PIK3C3: variants seen among roughly 807,000 people sequenced by gnomAD.
PIK3C3 encodes the protein phosphatidylinositol 3-kinase catalytic subunit type 3, also known as PI3-kinase type 3.
PIK3C3 carries 95 observed loss-of-function variants against 126.1 expected under a neutral mutation model. The ratio of observed to expected loss-of-function variants is 0.75; its 90% CI spans 0.64 to 0.89. The LOEUF (loss-of-function observed/expected upper bound fraction) is 0.89, where lower values mean the gene tolerates loss of function less well. Among genes scored for constraint, PIK3C3 ranks in the 40% least tolerant of loss-of-function variants. The pLI, the probability that PIK3C3 is intolerant of heterozygous loss-of-function variation, is 0.00. For synonymous variants in PIK3C3, 374 were observed against 360.0 expected, an observed-to-expected ratio of 1.04 and a Z score of -0.44; for missense variants, 829 against 1,063.2, an observed-to-expected ratio of 0.78 and a Z score of 3.06.
At chr18:41,998,237 G>A (rs1442419615) in intron 9 of PIK3C3, among the ~76,000 whole-genome samples, 1 of 152,066 alleles carries the variant, frequency 6.6e-6, no homozygotes, top group Non-Finnish European at 1.5e-5. Context: ...ATAGCTTTGA[G>A]TGTAATTCTC....
In PIK3C3 at chr18:42,087,229, C is replaced by T. The variant is rs1046092936; in HGVS notation, c.*6092C>T. Reference sequence around the variant, plus strand: ...TCCTCTATAGATGTCTGCACTGACACCGTGGCTTTAAGGCATGGCCCATGA... The same window carrying T: ...TCCTCTATAGATGTCTGCACTGACATCGTGGCTTTAAGGCATGGCCCATGA... On this transcript the variant is annotated 3_prime_UTR_variant, in exon 25 of 25. Coordinates refer to ENST00000262039, the MANE Select transcript of PIK3C3 (RefSeq NM_002647.4). 2.6e-5 allele frequency: 4 copies of T among 152,140 alleles called. No individual in the cohort carries two copies. The highest frequency in any genetic ancestry group is 2.6e-4 in the Admixed American group (4 of 15,268). 9.4% of individuals were successfully genotyped at this position (152,140 alleles called of 1,614,324 possible). A position where few individuals can be genotyped will look rare whatever the true frequency, so the allele number is the denominator to read the frequency against.
At chr18:42,076,123 C>T (rs984874881) in intron 24 of PIK3C3, among the ~76,000 whole-genome samples, 669 of 30,078 alleles carry the variant, frequency 0.022, 41 homozygotes, top group African/African-American at 0.091. Context: ...TATATATATG[C>T]GCATATATAT....
chr18:42,079,539 A>G (rs1986159888), intron 24 of PIK3C3, among the ~76,000 whole-genome samples: 1 of 151,914 alleles, frequency 6.6e-6, no homozygotes, highest in Non-Finnish European at 1.5e-5. Flanking sequence ...TGGCTCTGAT[A>G]GACTTGCGCA....
At chr18:41,969,045 T>C (rs1980517263) in intron 3 of PIK3C3, among the ~76,000 whole-genome samples, 2 of 151,904 alleles carry the variant, frequency 1.3e-5, no homozygotes, top group Admixed American at 6.6e-5. Flanking sequence ...TCTCAAACTC[T>C]TGAGCTCAAG....
intron 12 of PIK3C3, among the ~76,000 whole-genome samples, chr18:42,018,554 A>G (rs1044368588): frequency 6.6e-6 from 1 of 152,070 alleles, no homozygotes; most frequent in Non-Finnish European, 1.5e-5. Context: ...ATGTACACCT[A>G]AGCTTTAAAA....
intron 1 of PIK3C3, 33 bp downstream of exon 1, chr18:41,955,392 G>A (rs369141224): frequency 3.7e-5 from 59 of 1,585,754 alleles, no homozygotes; most frequent in Non-Finnish European, 4.8e-5. Context: ...GAGTGGGATT[G>A]CTGGGGCGTA....
intron 22 of PIK3C3, among the ~76,000 whole-genome samples, chr18:42,064,391 A>AT (rs767706135): frequency 2.6e-4 from 40 of 152,296 alleles, no homozygotes; most frequent in Non-Finnish European, 4.7e-4. Flanking sequence ...AAACAGATAG[A>AT]TTTTAATTGT....
chr18:41,979,085 A>AAG (rs979558646), intron 4 of PIK3C3, among the ~76,000 whole-genome samples: 1 of 151,196 alleles, frequency 6.6e-6, no homozygotes, highest in Non-Finnish European at 1.5e-5. Context: ...AAAAAAAAAA[A>AAG]AAGAGTTCAC....
chr18:41,962,772 T>TA, intron 3 of PIK3C3, 140 bp downstream of exon 3: 1 of 597,760 alleles, frequency 1.7e-6, no homozygotes, highest in Non-Finnish European at 2.7e-6. Context: ...GATCATTCCT[T>TA]ACACTGATTT....
chr18:42,059,276 G>C (rs1985210755), intron 22 of PIK3C3, among the ~76,000 whole-genome samples: 1 of 152,234 alleles, frequency 6.6e-6, no homozygotes, highest in South Asian at 2.1e-4. Context: ...TTATCCTTTG[G>C]GTGGCAGAAT....
At chr18:42,043,423 C>T (rs900219466) in intron 19 of PIK3C3, among the ~76,000 whole-genome samples, 2 of 152,102 alleles carry the variant, frequency 1.3e-5, no homozygotes, top group South Asian at 2.1e-4. Context: ...GTACGTTAAT[C>T]GTATTTTCAG....
chr18:42,057,381 TTG>T (rs1221910177), intron 21 of PIK3C3, among the ~76,000 whole-genome samples: 1 of 152,164 alleles, frequency 6.6e-6, no homozygotes, highest in Non-Finnish European at 1.5e-5. Context: ...TGTAACTAAA[TTG>T]CTATTTATGC....
At chr18:42,058,507 T>C (rs1006234130) in intron 22 of PIK3C3, among the ~76,000 whole-genome samples, 8 of 152,210 alleles carry the variant, frequency 5.3e-5, no homozygotes, top group South Asian at 4.1e-4. Context: ...TAGAGTGATA[T>C]TAGTTCAATC....
At chr18:42,070,538 T>C (rs575632732) in intron 24 of PIK3C3, 2 of 152,222 alleles carry the variant, frequency 1.3e-5, no homozygotes, top group Admixed American at 6.5e-5. Flanking sequence ...TGATAAAAAG[T>C]AGTAGTTTTT....
Position 42,083,543 on chromosome 18 carries a change from A to C in PIK3C3, c.*2406A>C, listed in dbSNP as rs978503231. The C allele has an allele frequency of 2.6e-5, 4 of 152,202 alleles. No homozygotes were observed. Among genetic ancestry groups the C allele is most frequent in the Non-Finnish European group, 1.5e-5 (1 of 68,038 alleles). The allele number at this position is 152,202 out of a possible 1,614,324, so 9.4% of individuals were successfully genotyped here. On this transcript the variant is annotated 3_prime_UTR_variant, in exon 25 of 25. Transcript: ENST00000262039. ...GCCTTGCTTTTTGCTGGAGTTAGCA[A>C]AAATCATTCTCCATATGATAGTTTT...
At chr18:42,069,829 C>T (rs1985701464) in intron 24 of PIK3C3, among the ~76,000 whole-genome samples, 1 of 152,164 alleles carries the variant, frequency 6.6e-6, no homozygotes, top group African/African-American at 2.4e-5. Flanking sequence ...GTGCTGCTGC[C>T]TAACACTGAT....
At chr18:41,988,525 T>C (rs144741091) in intron 5 of PIK3C3, among the ~76,000 whole-genome samples, 2 of 152,232 alleles carry the variant, frequency 1.3e-5, no homozygotes, top group African/African-American at 4.8e-5. Flanking sequence ...ACAGAAACAA[T>C]AATTATATTA....
At chr18:42,022,242 A>G (rs1207915245) in intron 13 of PIK3C3, among the ~76,000 whole-genome samples, 1 of 152,140 alleles carries the variant, frequency 6.6e-6, no homozygotes, top group East Asian at 1.9e-4. Flanking sequence ...TGCACCCGGT[A>G]ACTCATCATT....
intron 22 of PIK3C3, chr18:42,059,788 G>A (rs1440617485): frequency 1.4e-5 from 1 of 69,932 alleles, no homozygotes; most frequent in Admixed American, 1.6e-4. Context: ...TTTTTTTTTT[G>A]AGACAGGTTG....
Sources: gnomAD v4.1 joint callset for allele counts (sites outside exome capture counted in the v4.1 genomes callset) on GRCh38, gnomAD v4.1.1 for gene constraint, MANE v1.5 for transcripts, NCBI Gene and HGNC (gene_info 2026-07-23, HGNC 2026-07-21) for gene names.